Variants in GRID2 observed in about 807,000 individuals in gnomAD.
GRID2 encodes the protein glutamate receptor ionotropic, delta-2.
In GRID2, 33 loss-of-function variants were observed where a neutral mutation model predicts 114.8. The observed-to-expected ratio is 0.29, with a 90% CI of 0.22 to 0.38. GRID2 has a LOEUF of 0.38. Ranked by LOEUF, GRID2 falls within the 10% of genes least tolerant of loss-of-function variation. GRID2 has a pLI of 1.00. For synonymous variants in GRID2, 505 were observed against 449.9 expected (o/e 1.12, Z -1.55); for missense variants, 1,184 against 1,257.7 (o/e 0.94, Z 0.89).
intron 2 of GRID2, among the ~76,000 whole-genome samples, chr4:93,078,742 GTATA>G: frequency 1.5e-5 from 2 of 136,412 alleles, no homozygotes; most frequent in African/African-American, 5.2e-5. Flanking sequence ...TTTATATACT[GTATA>G]TACTAAATAT....
intron 2 of GRID2, among the ~76,000 whole-genome samples, chr4:92,777,470 G>A (rs1738866074): frequency 1.3e-5 from 2 of 151,960 alleles, no homozygotes. Flanking sequence ...GAAATCCTTA[G>A]CAAAGTACTC....
intron 1 of GRID2, among the ~76,000 whole-genome samples, chr4:93,780,667 G>C (rs1443896284): frequency 6.6e-6 from 1 of 152,194 alleles, no homozygotes; most frequent in Non-Finnish European, 1.5e-5. Flanking sequence ...TGGTATGGAA[G>C]TGCCAGCTGC....
chr4:92,849,620 T>C (rs1743606958), intron 2 of GRID2, among the ~76,000 whole-genome samples: 1 of 151,922 alleles, frequency 6.6e-6, no homozygotes, highest in Non-Finnish European at 1.5e-5. Flanking sequence ...TTCAACTCCA[T>C]TTTTCAACTT....
At chr4:92,554,395 A>G (rs1452304772) in intron 1 of GRID2, among the ~76,000 whole-genome samples, 1 of 152,234 alleles carries the variant, frequency 6.6e-6, no homozygotes, top group Non-Finnish European at 1.5e-5. Flanking sequence ...TTTGAAATGT[A>G]CAAGGTTCTG....
intron 2 of GRID2, among the ~76,000 whole-genome samples, chr4:92,984,653 T>A (rs1754400360): frequency 6.6e-6 from 1 of 152,230 alleles, no homozygotes. Context: ...AATAGCCTAC[T>A]GATTCCATTA....
chr4:92,702,343 A>T (rs562083615), intron 2 of GRID2: 1 of 152,286 alleles, frequency 6.6e-6, no homozygotes, highest in African/African-American at 2.4e-5. Context: ...CTTCTTAACA[A>T]CATGCCTATA....
chr4:92,674,770 T>C (rs114236665), intron 2 of GRID2, among the ~76,000 whole-genome samples: 9,263 of 152,112 alleles, frequency 0.061, 336 homozygotes, highest in East Asian at 0.16. Context: ...ATCCACCCGC[T>C]TCGGCCTCCC....
chr4:92,843,097 C>T lies in GRID2; in HGVS notation c.245-241898C>T, dbSNP rs567138833. Among the ~76,000 whole-genome samples, 110 of 151,646 alleles carry T rather than the reference C, an allele frequency of 7.3e-4. 1 individual carries two copies. The highest frequency in any genetic ancestry group is 2.5e-3 in the African/African-American group (104 of 41,394). ...ATACAAAAAATAAAAATAAAAAATA[C>T]CCAGGAGGGGTAACACATACCTGTA... On this transcript the variant is annotated intron_variant, in intron 2 of 15. Transcript: ENST00000282020.
At chr4:93,081,525 A>G (rs770638878) in intron 2 of GRID2, among the ~76,000 whole-genome samples, 58 of 152,254 alleles carry the variant, frequency 3.8e-4, no homozygotes, top group Admixed American at 7.2e-4. Flanking sequence ...AATAAAAATA[A>G]TAGTTGTGCT....
intron 11 of GRID2, among the ~76,000 whole-genome samples, chr4:93,459,662 A>G (rs1723554339): frequency 6.6e-6 from 1 of 151,572 alleles, no homozygotes; most frequent in Non-Finnish European, 1.5e-5. Flanking sequence ...ACAACTGCCA[A>G]TATGCTGATG....
chr4:93,703,742 A>G (rs527690208), intron 14 of GRID2, among the ~76,000 whole-genome samples: 38 of 146,374 alleles, frequency 2.6e-4, no homozygotes, highest in African/African-American at 9.1e-4. Context: ...GAGAACATGC[A>G]GTGTTTGGTT....
Position 92,304,419 on chromosome 4 carries a change from C to T in GRID2, c.-238C>T. On this transcript the variant is annotated 5_prime_UTR_variant, in exon 1 of 16. Transcript: ENST00000282020. ...CAAACTGCAAACAACTCTGGCGATG[C>T]CAAAATTCCCCTCCAAGTGACACGG... The T allele has an allele frequency of 1.7e-6, 1 of 577,274 alleles. No homozygotes were observed. Among genetic ancestry groups the T allele is most frequent in the Non-Finnish European group, 3.1e-6 (1 of 327,202 alleles). 35.8% of individuals were successfully genotyped at this position (577,274 alleles called of 1,614,324 possible).
intron 8 of GRID2, among the ~76,000 whole-genome samples, chr4:93,386,181 T>TA (rs1447355096): frequency 6.6e-6 from 1 of 152,180 alleles, no homozygotes; most frequent in Admixed American, 6.6e-5. Flanking sequence ...TTGATTGAGG[T>TA]AAAAAATGAC....
intron 2 of GRID2, among the ~76,000 whole-genome samples, chr4:92,828,271 A>T (rs768311505): frequency 6.6e-6 from 1 of 152,124 alleles, no homozygotes; most frequent in African/African-American, 2.4e-5. Context: ...AGTTAAATTT[A>T]TTCAGAATTC....
At chr4:93,353,251 C>T (rs113345886) in intron 8 of GRID2, among the ~76,000 whole-genome samples, 6 of 151,830 alleles carry the variant, frequency 4.0e-5, no homozygotes, top group African/African-American at 1.4e-4. Context: ...GAGCTGTCAC[C>T]AGATGTAACT....
At chr4:92,481,999 T>TAG (rs1722625685) in intron 1 of GRID2, among the ~76,000 whole-genome samples, 2 of 98,650 alleles carry the variant, frequency 2.0e-5, no homozygotes, top group Admixed American at 2.1e-4. Context: ...TATATATATA[T>TAG]ATATATATAT....
chr4:92,372,037 A>T (rs1729139468), intron 1 of GRID2, among the ~76,000 whole-genome samples: 1 of 152,198 alleles, frequency 6.6e-6, no homozygotes, highest in Admixed American at 6.5e-5. Flanking sequence ...AAGAACTATA[A>T]TTGAAAGTGG....
chr4:93,256,145 C>CT (rs1190770403), intron 8 of GRID2, among the ~76,000 whole-genome samples: 3 of 151,834 alleles, frequency 2.0e-5, no homozygotes, highest in African/African-American at 7.2e-5. Flanking sequence ...AACTTTTAGC[C>CT]TTTTTTTCAC....
chr4:93,607,606 G>C (rs1198654526), intron 13 of GRID2, among the ~76,000 whole-genome samples: 3 of 152,114 alleles, frequency 2.0e-5, no homozygotes, highest in African/African-American at 7.2e-5. Context: ...AATTTGAATA[G>C]ATGTTGCTTT....
Sources: gnomAD v4.1 joint callset for allele counts (sites outside exome capture counted in the v4.1 genomes callset) on GRCh38, gnomAD v4.1.1 for gene constraint, MANE v1.5 for transcripts, NCBI Gene and HGNC (gene_info 2026-07-23, HGNC 2026-07-21) for gene names.